NLK: variants seen among roughly 807,000 people sequenced by gnomAD.
NLK encodes the protein serine/threonine-protein kinase NLK.
A neutral mutation model predicts 59.0 loss-of-function variants in NLK; 11 were observed. The ratio of observed to expected loss-of-function variants is 0.19; its 90% CI spans 0.12 to 0.31. The LOEUF (loss-of-function observed/expected upper bound fraction) is 0.31. Among genes scored for constraint, NLK ranks in the 10% least tolerant of loss-of-function variants. The pLI, the probability that NLK is intolerant of heterozygous loss-of-function variation, is 1.00. For synonymous variants in NLK, 235 were observed against 235.9 expected (o/e 1.00, Z 0.03); for missense variants, 410 against 661.1 (o/e 0.62, Z 4.16).
chr17:28,163,785 A>T (rs1481709602), intron 5 of NLK, among the ~76,000 whole-genome samples, 157 bp downstream of exon 5: 1 of 152,210 alleles, frequency 6.6e-6, no homozygotes, highest in African/African-American at 2.4e-5. Flanking sequence ...CATGGTAATA[A>T]TTTGTAGTCC....
At chr17:28,052,081 C>T (rs1218915301) in intron 1 of NLK, among the ~76,000 whole-genome samples, 1 of 151,944 alleles carries the variant, frequency 6.6e-6, no homozygotes, top group African/African-American at 2.4e-5. Context: ...ACATGTAGTT[C>T]AGCTGTGGAG....
chr17:28,084,905 G>T (rs1330232353), intron 1 of NLK, among the ~76,000 whole-genome samples: 3 of 152,114 alleles, frequency 2.0e-5, no homozygotes, highest in African/African-American at 7.2e-5. Flanking sequence ...GTTCCATGCT[G>T]CGCAAAAGTT....
chr17:28,117,844 T>G (rs1295107712), intron 1 of NLK, among the ~76,000 whole-genome samples: 1 of 152,122 alleles, frequency 6.6e-6, no homozygotes, highest in East Asian at 1.9e-4. Context: ...TGAGAATCCG[T>G]TTTTTATTTA....
chr17:28,099,595 G>T (rs184230337), intron 1 of NLK, among the ~76,000 whole-genome samples: 41 of 124,078 alleles, frequency 3.3e-4, no homozygotes, highest in African/African-American at 1.6e-3. Context: ...TTTTTGAGAC[G>T]GAGTCTTGCT....
chr17:28,192,905 G>A (rs537822882), intron 10 of NLK, among the ~76,000 whole-genome samples: 4 of 152,250 alleles, frequency 2.6e-5, no homozygotes, highest in African/African-American at 4.8e-5. Flanking sequence ...ATTTTTTTGT[G>A]TGTAGGTGGA....
At chr17:28,137,089 C>CTA in intron 3 of NLK, among the ~76,000 whole-genome samples, 1 of 151,872 alleles carries the variant, frequency 6.6e-6, no homozygotes, top group Non-Finnish European at 1.5e-5. Flanking sequence ...ACTATATTAT[C>CTA]TATGTCAGCA....
chr17:28,196,465 A>T (rs1909487837), downstream of NLK: 1 of 152,320 alleles, frequency 6.6e-6, no homozygotes, highest in African/African-American at 2.4e-5. Context: ...AAGTTTTGAG[A>T]CACTTCCTAT....
At chr17:28,123,428 TAAGTGAATTC>T (rs1487151388) in intron 2 of NLK, among the ~76,000 whole-genome samples, 1 of 152,312 alleles carries the variant, frequency 6.6e-6, no homozygotes, top group South Asian at 2.1e-4. Context: ...TGAACAAGTG[TAAGTGAATTC>T]AAGTGAATTC....
chr17:28,144,721 C>G (rs1907168453), intron 3 of NLK, among the ~76,000 whole-genome samples: 1 of 152,212 alleles, frequency 6.6e-6, no homozygotes, highest in Non-Finnish European at 1.5e-5. Flanking sequence ...TCATGTCCCA[C>G]TGTGTTGACT....
intron 1 of NLK, among the ~76,000 whole-genome samples, chr17:28,099,244 T>A (rs1904814248): frequency 6.6e-6 from 1 of 152,182 alleles, no homozygotes; most frequent in South Asian, 2.1e-4. Context: ...TTTTGTTTTC[T>A]GATTTTGTGT....
chr17:28,160,255 G>A (rs1907950368), intron 3 of NLK, among the ~76,000 whole-genome samples: 1 of 152,170 alleles, frequency 6.6e-6, no homozygotes, highest in Non-Finnish European at 1.5e-5. Context: ...GGAGGAGGGA[G>A]TTTGAAAACA....
chr17:28,085,673 A>G (rs1297748395), intron 1 of NLK, among the ~76,000 whole-genome samples: 1 of 152,142 alleles, frequency 6.6e-6, no homozygotes, highest in African/African-American at 2.4e-5. Flanking sequence ...CCCAGGAGGC[A>G]GAGGCTGCAG....
chr17:28,097,447 CTT>C (rs1904743309), intron 1 of NLK, among the ~76,000 whole-genome samples: 1 of 152,074 alleles, frequency 6.6e-6, no homozygotes, highest in South Asian at 2.1e-4. Context: ...TATTTATTCT[CTT>C]CTTTGAATTA....
At chr17:28,148,731 G>A (rs895242191) in intron 3 of NLK, among the ~76,000 whole-genome samples, 23 of 152,170 alleles carry the variant, frequency 1.5e-4, no homozygotes, top group Non-Finnish European at 2.8e-4. Context: ...ATACTTTTCA[G>A]CAAACAGATA....
chr17:28,042,984 C>T lies in NLK; in HGVS notation c.111C>T (p.His37=). The change falls in exon 1 of 11, where the codon CAC becomes CAT. Residue 37 remains histidine, a synonymous_variant. Coordinates refer to ENST00000407008, the MANE Select transcript of NLK (RefSeq NM_016231.5). ...HHHHHHHHLP[H]LPPPHLHHHH... is the part of the protein sequence containing the mutation. ...ACCACCATCACCACCACCTTCCACA[C>T]CTCCCTCCTCCTCACCTGCACCACC... 6.4e-7 allele frequency: 1 copy of T among 1,556,812 alleles called. No individual in the cohort carries two copies. The highest frequency in any genetic ancestry group is 8.7e-7 in the Non-Finnish European group (1 of 1,149,674).
chr17:28,043,776 CCTTT>C (rs1908958074), intron 1 of NLK, among the ~76,000 whole-genome samples: 1 of 152,308 alleles, frequency 6.6e-6, no homozygotes, highest in East Asian at 1.9e-4. Flanking sequence ...ACTTTCCTGT[CCTTT>C]CTGTCTTTTC....
intron 2 of NLK, among the ~76,000 whole-genome samples, chr17:28,128,712 C>T (rs1481883475): frequency 6.6e-6 from 1 of 152,168 alleles, no homozygotes; most frequent in African/African-American, 2.4e-5. Context: ...CTAGTGAGAG[C>T]ATAAATTTGT....
At chr17:28,186,828 A>G (rs1909137369) in intron 8 of NLK, among the ~76,000 whole-genome samples, 1 of 152,188 alleles carries the variant, frequency 6.6e-6, no homozygotes, top group Admixed American at 6.5e-5. Context: ...AAACCATACC[A>G]TGTGGTATGT....
chr17:28,182,307 A>G (rs773524381), intron 7 of NLK, among the ~76,000 whole-genome samples: 1 of 151,994 alleles, frequency 6.6e-6, no homozygotes, highest in Non-Finnish European at 1.5e-5. Flanking sequence ...ATTTTCCTAC[A>G]TGGCTTTTGT....
Sources: allele counts gnomAD v4.1 joint callset (sites outside exome capture counted in the v4.1 genomes callset), GRCh38; gene constraint gnomAD v4.1.1; transcripts MANE v1.5; gene names NCBI Gene and HGNC (gene_info 2026-07-23, HGNC 2026-07-21).